Variants in CCDC30 observed in about 807,000 individuals in gnomAD.
The protein encoded by CCDC30 is coiled-coil domain-containing protein 30.
CCDC30 carries 70 observed loss-of-function variants against 100.2 expected under a neutral mutation model. The ratio of observed to expected loss-of-function variants is 0.70; its 90% CI spans 0.58 to 0.85. The LOEUF is 0.85. CCDC30 is among the 40% of genes least tolerant of loss of function. CCDC30 has a pLI of 0.00. For missense variants in CCDC30, 652 were observed against 771.2 expected, an observed-to-expected ratio of 0.85 and a Z score of 1.83; for synonymous variants, 233 against 269.5, an observed-to-expected ratio of 0.86 and a Z score of 1.33.
chr1:42,472,693 A>G (rs991993257), intron 1 of CCDC30, among the ~76,000 whole-genome samples: 43 of 151,906 alleles, frequency 2.8e-4, no homozygotes, highest in African/African-American at 1.0e-3. Context: ...ATATCATGTC[A>G]TTTGTTATTT....
At chr1:42,643,225 C>A (rs923937363) in intron 13 of CCDC30, among the ~76,000 whole-genome samples, 2 of 152,186 alleles carry the variant, frequency 1.3e-5, no homozygotes, top group African/African-American at 4.8e-5. Flanking sequence ...TGACACCAAT[C>A]CCAGGAGAGA....
exon 15 of CCDC30, chr1:42,646,261 C>A: frequency 6.4e-7 from 1 of 1,550,668 alleles, no homozygotes; most frequent in Non-Finnish European, 8.7e-7. Flanking sequence ...AGAACTCCAG[C>A]ATGAGGATGA....
In CCDC30 at chr1:42,551,157, T is replaced by A. The variant is rs190543180; in HGVS notation, c.457-15139T>A. Among the ~76,000 whole-genome samples, 131 of 152,260 alleles carry A rather than the reference T, an allele frequency of 8.6e-4. 1 individual carries two copies. The highest frequency in any genetic ancestry group is 3.4e-3 in the Middle Eastern group (1 of 294). ...AAAGACCACCTTGCAAATGAAGAGA[T>A]TGAGACTCTGAGTGATTGTGCCTTG... On this transcript the variant is annotated intron_variant, in intron 6 of 16. Coordinates refer to ENST00000668663, the Ensembl canonical transcript of CCDC30.
chr1:42,589,769 G>A (rs1038481866), intron 10 of CCDC30: 5 of 235,140 alleles, frequency 2.1e-5, no homozygotes, highest in Non-Finnish European at 3.3e-5. Flanking sequence ...CTCCTGCAGC[G>A]TCAAAGTGGA....
the CCDC30 span, chr1:42,456,471 C>A: frequency 7.7e-7 from 1 of 1,303,880 alleles, no homozygotes; most frequent in Non-Finnish European, 1.0e-6. Flanking sequence ...GTGAACCGCC[C>A]ACTCAGTACG....
intron 7 of CCDC30, among the ~76,000 whole-genome samples, chr1:42,572,410 G>T (rs188209024): frequency 4.7e-4 from 72 of 152,066 alleles, no homozygotes; most frequent in African/African-American, 1.7e-3. Flanking sequence ...TTAAATACAT[G>T]AACCCTTTAT....
In CCDC30 at chr1:42,568,146, G is replaced by A. The variant is rs372890785; in HGVS notation, c.636+1671G>A. On this transcript the variant is annotated intron_variant, in intron 7 of 16. Transcript: ENST00000668663. ...TTGTTTGTTTCTGAGATGGAGTCTC[G>A]CTCTGTCACCCATGCTGAAGTGCAG... is the stretch of plus-strand genomic sequence containing the variant. Among the ~76,000 whole-genome samples, 25 of 152,074 alleles carry A rather than the reference G, an allele frequency of 1.6e-4. No homozygotes were observed. In the East Asian group the frequency reaches 3.3e-3, roughly 20 times the overall value.
chr1:42,646,973 G>T (rs1001687074), intron 15 of CCDC30, among the ~76,000 whole-genome samples: 3 of 152,068 alleles, frequency 2.0e-5, no homozygotes, highest in South Asian at 4.1e-4. Context: ...GGTGGTATGT[G>T]CTTGTAATCC....
In CCDC30 at chr1:42,602,483, C is replaced by T. The variant is rs1314934705; in HGVS notation, c.1165-8495C>T. Among the ~76,000 whole-genome samples, 7 of 152,032 alleles carry T rather than the reference C, an allele frequency of 4.6e-5. No individual in the cohort carries two copies. The East Asian group carries it at 9.6e-4, about 21-fold the overall frequency. On this transcript the variant is annotated intron_variant, in intron 10 of 16. Coordinates refer to ENST00000668663, the Ensembl canonical transcript of CCDC30. ...AGAGGGAACATTACTACAGATGCCACGAACATTAGAGCAATCATCAATAAA... is the reference window on the plus strand; with the variant it reads ...AGAGGGAACATTACTACAGATGCCATGAACATTAGAGCAATCATCAATAAA...
intron 11 of CCDC30, 144 bp downstream of exon 15, chr1:42,611,234 G>A: frequency 1.9e-6 from 1 of 525,902 alleles, no homozygotes; most frequent in Middle Eastern, 2.9e-4. Context: ...TTCCAAAAGT[G>A]CTATCCACAG....
intron 1 of CCDC30, among the ~76,000 whole-genome samples, chr1:42,468,337 A>G (rs1643657856): frequency 6.6e-6 from 1 of 152,212 alleles, no homozygotes. Context: ...TATGGTGCCC[A>G]GGATAGCTGC....
intron 6 of CCDC30, among the ~76,000 whole-genome samples, chr1:42,517,616 TA>T (rs1258604529): frequency 6.8e-6 from 1 of 146,646 alleles, no homozygotes; most frequent in Non-Finnish European, 1.5e-5. Flanking sequence ...GGTAAGTGTC[TA>T]ACTTAGTTTT....
chr1:42,536,594 A>T, intron 6 of CCDC30: 1 of 1,601,408 alleles, frequency 6.2e-7, no homozygotes, highest in Non-Finnish European at 8.6e-7. Flanking sequence ...TTGAAAGTTG[A>T]AAGTGAGGTA....
intron 11 of CCDC30, among the ~76,000 whole-genome samples, chr1:42,615,497 C>T (rs1275259190): frequency 6.6e-6 from 1 of 152,066 alleles, no homozygotes; most frequent in Non-Finnish European, 1.5e-5. Flanking sequence ...TGGGGTTTCA[C>T]CATGTTGGCT....
At chr1:42,631,242 A>G (rs1570302214) in intron 11 of CCDC30, among the ~76,000 whole-genome samples, 1 of 152,192 alleles carries the variant, frequency 6.6e-6, no homozygotes, top group Non-Finnish European at 1.5e-5. Context: ...ATGGTCTTGG[A>G]AAAGATCTGG....
At chr1:42,643,076 AG>A (rs2148687329) in intron 13 of CCDC30, among the ~76,000 whole-genome samples, 1 of 152,350 alleles carries the variant, frequency 6.6e-6, no homozygotes, top group East Asian at 1.9e-4. Context: ...TCTTCTTCAT[AG>A]GAGACTTTCA....
intron 10 of CCDC30, among the ~76,000 whole-genome samples, chr1:42,603,720 G>C (rs1646450176): frequency 6.6e-6 from 1 of 152,124 alleles, no homozygotes; most frequent in Non-Finnish European, 1.5e-5. Context: ...CAGTTTGCTG[G>C]TTTTCACAAA....
chr1:42,554,821 T>G (rs1305330888), intron 6 of CCDC30, among the ~76,000 whole-genome samples: 1 of 152,122 alleles, frequency 6.6e-6, no homozygotes, highest in Admixed American at 6.6e-5. Context: ...CTTACAAGTT[T>G]TTAGGCTTCT....
At chr1:42,581,082 T>C in intron 8 of CCDC30, 1 of 376,652 alleles carries the variant, frequency 2.7e-6, no homozygotes, top group Non-Finnish European at 5.0e-6. Context: ...CTCAAGCGAT[T>C]CACCCAGCTC....
Sources: gnomAD v4.1 joint callset for allele counts (sites outside exome capture counted in the v4.1 genomes callset) on GRCh38, gnomAD v4.1.1 for gene constraint, MANE v1.5 for transcripts, NCBI Gene and HGNC (gene_info 2026-07-23, HGNC 2026-07-21) for gene names.